TMEM9: variants seen among roughly 807,000 people sequenced by gnomAD.
TMEM9 encodes transmembrane protein 9.
A neutral mutation model predicts 22.8 loss-of-function variants in TMEM9; 13 were observed. The observed-to-expected ratio is 0.57, with a 90% confidence interval of 0.37 to 0.91. TMEM9 has a LOEUF of 0.91. Among genes scored for constraint, TMEM9 ranks in the 40% least tolerant of loss-of-function variants. TMEM9 has a pLI of 0.01. For missense variants in TMEM9, 182 were observed against 238.1 expected, an observed-to-expected ratio of 0.76 and a Z score of 1.55; for synonymous variants, 88 against 93.0, an observed-to-expected ratio of 0.95 and a Z score of 0.31.
At chr1:201,141,470 G>C (rs1038485930) in intron 4 of TMEM9, among the ~76,000 whole-genome samples, 2 of 152,118 alleles carry the variant, frequency 1.3e-5, no homozygotes, top group South Asian at 4.1e-4. Context: ...TCCTTACCCA[G>C]CCAAGGGCAC....
chr1:201,171,387 G>C (rs557429070), intron 1 of TMEM9: 2 of 152,422 alleles, frequency 1.3e-5, no homozygotes, highest in Non-Finnish European at 2.9e-5. Flanking sequence ...TCCCAGGGAG[G>C]GGCAGGAGGC....
At position 201,138,967 on chromosome 1, in the gene TMEM9, A is replaced by G. The variant is rs1248279672; in HGVS notation, c.400-3152T>C. ...ATTTCCCCACAGCTAGAGCAAGAACAGAGCACTTCTAAAGGAACCAATGCT... is the reference window on the plus strand; with the variant it reads ...ATTTCCCCACAGCTAGAGCAAGAACGGAGCACTTCTAAAGGAACCAATGCT... On this transcript the variant is annotated intron_variant, in intron 4 of 4. Transcript: ENST00000367330. 2.0e-5 allele frequency among the ~76,000 whole-genome samples: 3 copies of G among 152,238 alleles called. No homozygotes were observed. The East Asian group carries it at 5.8e-4, about 29-fold the overall frequency.
intron 4 of TMEM9, among the ~76,000 whole-genome samples, chr1:201,141,419 G>C (rs552587329): frequency 6.6e-6 from 1 of 152,170 alleles, no homozygotes; most frequent in Non-Finnish European, 1.5e-5. Context: ...AGGAGGTGAG[G>C]GGATAGAGAG....
At chr1:201,165,715 G>A (rs1404226289) in intron 1 of TMEM9, among the ~76,000 whole-genome samples, 3 of 152,196 alleles carry the variant, frequency 2.0e-5, no homozygotes, top group African/African-American at 7.2e-5. Flanking sequence ...GATTATAGGC[G>A]TGTGCCACCG....
At chr1:201,148,066 C>T (rs1665128401) in intron 2 of TMEM9, among the ~76,000 whole-genome samples, 1 of 152,202 alleles carries the variant, frequency 6.6e-6, no homozygotes, top group African/African-American at 2.4e-5. Context: ...TAGCTGGGTG[C>T]TGGCCAGAGC....
At chr1:201,153,833 G>A (rs746403962) in intron 1 of TMEM9, 25 bp downstream of exon 1, 22 of 1,613,838 alleles carry the variant, frequency 1.4e-5, no homozygotes, top group Admixed American at 1.7e-5. Flanking sequence ...GTCGTGACCA[G>A]GTGCTGCAGG....
chr1:201,156,165 A>T (rs1665786992), upstream of TMEM9, among the ~76,000 whole-genome samples: 1 of 152,172 alleles, frequency 6.6e-6, no homozygotes, highest in African/African-American at 2.4e-5. Flanking sequence ...CATCTTCCTC[A>T]TCAAACAGAA....
At chr1:201,169,808 T>A (rs1255335705) in intron 1 of TMEM9, among the ~76,000 whole-genome samples, 11 of 152,196 alleles carry the variant, frequency 7.2e-5, no homozygotes, top group Admixed American at 1.3e-4. Context: ...ATCCTGTGAA[T>A]CTGGCTATGT....
Position 201,168,853 on chromosome 1 carries a change from G to C in TMEM9, c.-37+2637C>G, listed in dbSNP as rs564835734. ...GTCACCCAGGCTGGAGTACAGAGGT[G>C]CTATCATGGCTCACTGCAGCCTTGA... On this transcript the variant is annotated intron_variant, in intron 1 of 5. Transcript: ENST00000367333. 1.6e-4 allele frequency among the ~76,000 whole-genome samples: 24 copies of C among 152,066 alleles called. No individual in the cohort carries two copies. The East Asian group carries it at 4.4e-3, about 28-fold the overall frequency.
chr1:201,143,881 T>G lies in TMEM9; in HGVS notation c.338A>C (p.Asp113Ala). ...LLYMAFLMLV[D>A]PLIRKPDAYT... Reference sequence around the variant, plus strand: ...TGCATCCGGCTTTCGGATCAGAGGGTCCACCAGCATCAGGAAGGCCATGTA... The same window carrying G: ...TGCATCCGGCTTTCGGATCAGAGGGGCCACCAGCATCAGGAAGGCCATGTA... Residue 113 changes from aspartate (D) to alanine (A), a missense_variant, in exon 4 of 5, where the codon GAC becomes GCC. Asp to Ala is a moderately radical substitution (Grantham distance 126). Coordinates refer to ENST00000367330, the MANE Select transcript of TMEM9 (RefSeq NM_001288565.2). 1 of 1,613,928 alleles carries G rather than the reference T, an allele frequency of 6.2e-7. No homozygotes were observed. The highest frequency in any genetic ancestry group is 1.3e-5 in the African/African-American group (1 of 74,976).
At chr1:201,136,563 C>T (rs1161814291) in intron 4 of TMEM9, among the ~76,000 whole-genome samples, 1 of 152,156 alleles carries the variant, frequency 6.6e-6, no homozygotes, top group Non-Finnish European at 1.5e-5. Flanking sequence ...TGGCCCATTC[C>T]CTCCTTTGAT....
intron 4 of TMEM9, 96 bp downstream of exon 4, chr1:201,143,724 G>A: frequency 7.8e-7 from 1 of 1,286,352 alleles, no homozygotes; most frequent in Non-Finnish European, 1.1e-6. Context: ...AGCATTTTGG[G>A]GAGGTGGGAC....
chr1:201,136,794 G>C (rs1457912998), intron 4 of TMEM9, among the ~76,000 whole-genome samples: 1 of 152,158 alleles, frequency 6.6e-6, no homozygotes, highest in African/African-American at 2.4e-5. Flanking sequence ...TTCCTCCCTA[G>C]CTTTCCCTGC....
At chr1:201,158,359 A>T (rs1475475229), upstream of TMEM9, among the ~76,000 whole-genome samples, 1 of 147,072 alleles carries the variant, frequency 6.8e-6, no homozygotes, top group Non-Finnish European at 1.5e-5. Context: ...TGGGAAACAA[A>T]TACTGCCAGG....
At chr1:201,141,901 A>G (rs1178062534) in intron 4 of TMEM9, among the ~76,000 whole-genome samples, 1 of 152,090 alleles carries the variant, frequency 6.6e-6, no homozygotes, top group East Asian at 1.9e-4. Context: ...GAGACATAAC[A>G]AGGCCATGCC....
intron 4 of TMEM9, among the ~76,000 whole-genome samples, chr1:201,140,109 C>G (rs770231378): frequency 6.6e-6 from 1 of 152,222 alleles, no homozygotes; most frequent in Non-Finnish European, 1.5e-5. Context: ...CTCAGTGGCC[C>G]GAGTCTTCTC....
intron 2 of TMEM9, among the ~76,000 whole-genome samples, chr1:201,148,228 G>A (rs915955352): frequency 5.3e-5 from 8 of 152,110 alleles, no homozygotes; most frequent in African/African-American, 1.2e-4. Flanking sequence ...TAGTGGTAGT[G>A]AGGCCAGAAC....
intron 4 of TMEM9, among the ~76,000 whole-genome samples, chr1:201,141,964 C>G (rs1279287657): frequency 1.3e-5 from 2 of 152,182 alleles, no homozygotes; most frequent in Admixed American, 6.5e-5. Flanking sequence ...CAATTACTAC[C>G]CCAGCCAGGA....
intron 4 of TMEM9, among the ~76,000 whole-genome samples, chr1:201,142,478 A>G (rs1471063468): frequency 6.6e-6 from 1 of 152,232 alleles, no homozygotes; most frequent in Non-Finnish European, 1.5e-5. Context: ...ATATTGTGTT[A>G]AATCTCTCTG....
Sources: gnomAD v4.1 joint callset for allele counts (sites outside exome capture counted in the v4.1 genomes callset) on GRCh38, gnomAD v4.1.1 for gene constraint, MANE v1.5 for transcripts, NCBI Gene and HGNC (gene_info 2026-07-23, HGNC 2026-07-21) for gene names.